RALYL: variants seen among roughly 807,000 people sequenced by gnomAD.
The protein encoded by RALYL is RALY RNA binding protein like.
A neutral mutation model predicts 35.1 loss-of-function variants in RALYL; 29 were observed. The observed-to-expected ratio is 0.83, with a 90% CI of 0.61 to 1.13. The LOEUF (loss-of-function observed/expected upper bound fraction) is 1.13, where lower values mean the gene tolerates loss of function less well. Ranked by LOEUF, RALYL falls within the 50% of genes most tolerant of loss-of-function variation. The probability of loss-of-function intolerance (pLI) is 0.00; values close to 1 mark genes in which losing one functional copy is unlikely to be tolerated. For synonymous variants in RALYL, 120 were observed against 127.6 expected (o/e 0.94, Z 0.40); for missense variants, 359 against 360.4 (o/e 1.00, Z 0.03).
intron 1 of RALYL, among the ~76,000 whole-genome samples, chr8:84,303,231 A>G (rs1841156951): frequency 6.6e-6 from 1 of 152,216 alleles, no homozygotes; most frequent in Non-Finnish European, 1.5e-5. Context: ...AATGAATGAT[A>G]GACATAATGT....
At chr8:84,844,230 G>T (rs144801746) in intron 4 of RALYL, among the ~76,000 whole-genome samples, 15,548 of 152,142 alleles carry the variant, frequency 0.1, 949 homozygotes, top group Non-Finnish European at 0.13. Context: ...CTGATAAAGG[G>T]TTAATATCCA....
chr8:84,705,845 C>G (rs768879988), intron 2 of RALYL: 30 of 1,285,342 alleles, frequency 2.3e-5, no homozygotes, highest in Non-Finnish European at 3.1e-5. Context: ...AGAGTAGTTA[C>G]AGGCTGTAGC....
chr8:84,770,436 A>G (rs925894450), intron 2 of RALYL, among the ~76,000 whole-genome samples: 17 of 151,942 alleles, frequency 1.1e-4, no homozygotes, highest in Admixed American at 8.5e-4. Context: ...TAATTTCTTT[A>G]TTCACTTGCT....
intron 1 of RALYL, among the ~76,000 whole-genome samples, chr8:84,285,565 G>A (rs541169443): frequency 1.3e-5 from 2 of 152,168 alleles, no homozygotes; most frequent in East Asian, 1.9e-4. Flanking sequence ...TGGAGCGGGG[G>A]CATTATCGTT....
intron 2 of RALYL, among the ~76,000 whole-genome samples, chr8:84,763,507 T>G (rs1280635355): frequency 2.6e-5 from 4 of 152,222 alleles, no homozygotes; most frequent in Non-Finnish European, 5.9e-5. Context: ...ACAGTTGTAT[T>G]CACCGTTGAT....
chr8:84,223,647 A>G (rs1319158514), intron 1 of RALYL, among the ~76,000 whole-genome samples: 1 of 152,178 alleles, frequency 6.6e-6, no homozygotes, highest in Non-Finnish European at 1.5e-5. Context: ...TTTGGTTGGA[A>G]GGAAGTTTGA....
At chr8:84,748,471 A>G (rs1375975101) in intron 2 of RALYL, among the ~76,000 whole-genome samples, 1 of 152,056 alleles carries the variant, frequency 6.6e-6, no homozygotes, top group Non-Finnish European at 1.5e-5. Context: ...AAGATGATCT[A>G]TTGTAATCCT....
At chr8:84,537,659 A>G (rs187240408) in intron 2 of RALYL, among the ~76,000 whole-genome samples, 1 of 152,206 alleles carries the variant, frequency 6.6e-6, no homozygotes, top group East Asian at 1.9e-4. Context: ...AATGTTTTTT[A>G]TTTATATATC....
rs112943582 is a variant in RALYL at position 84,919,603 on chromosome 8, G to A, written c.859-1291G>A. ...TATATATGTGATCAGTGTACAGTAT[G>A]AATTGGGTAAGGAGAAAGAGAGGGA... On this transcript the variant is annotated intron_variant, in intron 8 of 8. Coordinates refer to ENST00000521268, the MANE Select transcript of RALYL (RefSeq NM_173848.7). 9.7e-4 allele frequency among the ~76,000 whole-genome samples: 148 copies of A among 152,108 alleles called. 1 individual carries two copies. The highest frequency in any genetic ancestry group is 3.4e-3 in the African/African-American group (141 of 41,516).
chr8:84,879,043 AAG>A (rs1841719131), intron 7 of RALYL, among the ~76,000 whole-genome samples: 1 of 152,170 alleles, frequency 6.6e-6, no homozygotes, highest in African/African-American at 2.4e-5. Flanking sequence ...TAAACCAAGA[AAG>A]AGGAAAAACA....
intron 1 of RALYL, among the ~76,000 whole-genome samples, chr8:84,272,637 A>T (rs1187572826): frequency 6.6e-6 from 1 of 152,224 alleles, no homozygotes; most frequent in Non-Finnish European, 1.5e-5. Flanking sequence ...TAACAGAACT[A>T]TATAGCAAGT....
chr8:84,296,364 G>A (rs1393664970), intron 1 of RALYL, among the ~76,000 whole-genome samples: 1 of 152,016 alleles, frequency 6.6e-6, no homozygotes, highest in African/African-American at 2.4e-5. Flanking sequence ...AGGTTCCCAA[G>A]AAACCAGAAA....
intron 1 of RALYL, among the ~76,000 whole-genome samples, chr8:84,355,243 C>T (rs762613379): frequency 6.7e-6 from 1 of 150,212 alleles, no homozygotes; most frequent in Non-Finnish European, 1.5e-5. Context: ...AGGACTCTGC[C>T]GGGAACTAGG....
intron 6 of RALYL, among the ~76,000 whole-genome samples, chr8:84,864,284 A>T (rs1303545189): frequency 6.6e-6 from 1 of 152,146 alleles, no homozygotes; most frequent in Non-Finnish European, 1.5e-5. Flanking sequence ...CAAACTAGAG[A>T]TATTTTGAAA....
intron 1 of RALYL, among the ~76,000 whole-genome samples, chr8:84,486,782 A>G (rs2054676429): frequency 6.6e-6 from 1 of 152,230 alleles, no homozygotes; most frequent in South Asian, 2.1e-4. Flanking sequence ...TTATGTTTAT[A>G]TAGAATTAAC....
At position 84,344,371 on chromosome 8, in the gene RALYL, G is replaced by C. The variant is rs1036231169; in HGVS notation, c.-24+159947G>C. 2.6e-5 allele frequency among the ~76,000 whole-genome samples: 4 copies of C among 151,966 alleles called. No homozygotes were observed. In the South Asian group the frequency reaches 8.3e-4, roughly 32 times the overall value. ...CTTTATTCAAGGAAGATTATTTAAA[G>C]TAGTGTAACATACCTACATACTTTC... is the stretch of plus-strand genomic sequence containing the variant. On this transcript the variant is annotated intron_variant, in intron 1 of 8. Transcript: ENST00000521268.
intron 1 of RALYL, among the ~76,000 whole-genome samples, chr8:84,257,274 G>T (rs1411526227): frequency 6.6e-6 from 1 of 152,016 alleles, no homozygotes; most frequent in Non-Finnish European, 1.5e-5. Context: ...AAATGTTCAG[G>T]TGGTTGGTAG....
intron 2 of RALYL, among the ~76,000 whole-genome samples, chr8:84,646,904 G>A (rs967043666): frequency 6.6e-6 from 1 of 151,994 alleles, no homozygotes; most frequent in Non-Finnish European, 1.5e-5. Flanking sequence ...TTCTCACTTT[G>A]ATGATGATTT....
At chr8:84,372,886 G>GTTTTTTTTTTTT in intron 1 of RALYL, among the ~76,000 whole-genome samples, 636 of 39,060 alleles carry the variant, frequency 0.016, 52 homozygotes, top group Non-Finnish European at 0.02. Context: ...GCCAGCATCT[G>GTTTTTTTTTTTT]TTTTTTTTTT....
Sources: allele counts gnomAD v4.1 joint callset (sites outside exome capture counted in the v4.1 genomes callset), GRCh38; gene constraint gnomAD v4.1.1; transcripts MANE v1.5; gene names NCBI Gene and HGNC (gene_info 2026-07-23, HGNC 2026-07-21).